DROSHA: variants seen among roughly 807,000 people sequenced by gnomAD.
The protein encoded by DROSHA is drosha ribonuclease III, also known as ribonuclease 3.
A neutral mutation model predicts 181.9 loss-of-function variants in DROSHA; 56 were observed. The observed-to-expected ratio is 0.31, with a 90% CI of 0.25 to 0.38. The LOEUF (loss-of-function observed/expected upper bound fraction) is 0.38, where lower values mean the gene tolerates loss of function less well. DROSHA is among the 10% of genes least tolerant of loss of function. The probability of loss-of-function intolerance (pLI) is 1.00; values close to 1 mark genes in which losing one functional copy is unlikely to be tolerated. For missense variants in DROSHA, 1,218 were observed against 1,743.5 expected (o/e 0.70, Z 5.37); for synonymous variants, 524 against 591.2 (o/e 0.89, Z 1.65).
At position 31,409,402 on chromosome 5, in the gene DROSHA, GACCTTTA is replaced by G. The variant is rs1241307113; in HGVS notation, c.3668-77_3668-71del. The stretch of plus-strand genomic sequence containing the variant: ...TCTATCAGAAAGAGTAAGAGACCTA[GACCTTTA>G]AGCAAAATTTTAGTAATAGTTTCAA... On this transcript the variant is annotated intron_variant, in intron 31 of 35. Coordinates refer to ENST00000344624, the MANE Select transcript of DROSHA (RefSeq NM_001382508.1). The surrounding 1 kb of genome is among the most constrained non-coding windows in gnomAD (Gnocchi z 4.0). The G allele has an allele frequency of 3.5e-6, 5 of 1,439,368 alleles. No homozygotes were observed. In the African/African-American group the frequency reaches 7.2e-5, roughly 21 times the overall value. 89.2% of individuals were successfully genotyped at this position (1,439,368 alleles called of 1,614,324 possible). A position where few individuals can be genotyped will look rare whatever the true frequency, so the allele number is the denominator to read the frequency against.
chr5:31,488,407 T>TGGCCGGGCGCGGTGG (rs1419706475), intron 13 of DROSHA, among the ~76,000 whole-genome samples: 29 of 116,650 alleles, frequency 2.5e-4, no homozygotes, highest in African/African-American at 9.1e-4. Flanking sequence ...AGCAAAACTC[T>TGGCCGGGCGCGGTGG]ATCACCAAAA....
At chr5:31,503,337 G>A (rs1418805862) in intron 11 of DROSHA, among the ~76,000 whole-genome samples, 1 of 152,128 alleles carries the variant, frequency 6.6e-6, no homozygotes, top group Admixed American at 6.5e-5. Context: ...CTCATGCTGA[G>A]CCCCCAAAAT....
chr5:31,439,030 G>C (rs1026837356), intron 23 of DROSHA, among the ~76,000 whole-genome samples: 15 of 152,284 alleles, frequency 9.9e-5, no homozygotes, highest in Non-Finnish European at 2.2e-4. Flanking sequence ...ATTCAGTCCT[G>C]TGAAGTCACT....
At chr5:31,451,375 A>G (rs1747019974) in intron 21 of DROSHA, among the ~76,000 whole-genome samples, 158 bp downstream of exon 21, 1 of 152,206 alleles carries the variant, frequency 6.6e-6, no homozygotes, top group Non-Finnish European at 1.5e-5. Context: ...TGGGCTGGAA[A>G]GCAGCAGAGG....
intron 8 of DROSHA, among the ~76,000 whole-genome samples, chr5:31,511,907 CCTCT>C (rs68006179): frequency 2.7e-5 from 4 of 147,330 alleles, no homozygotes; most frequent in East Asian, 2.0e-4. Context: ...CTATATATCC[CCTCT>C]CTCTCTCTCT....
chr5:31,526,466 G>T lies in DROSHA; in HGVS notation c.467C>A (p.Pro156His). ...MPPPSMPHPP[P>H]PPVMPQQVNY... is the part of the protein sequence containing the mutation. ...AACCTGCTGCGGCATGACTGGAGGG[G>T]GCGGGGGATGAGGCATGGAGGGAGG... Residue 156 changes from proline to histidine, a missense_variant, in exon 5 of 36, where the codon CCC (proline) becomes CAC (histidine). Pro to His is a moderately conservative substitution (Grantham distance 77, BLOSUM62 -2). This residue lies in a region of DROSHA where 536 missense variants were observed against 535.4 expected (regional missense o/e 1.00). Transcript: ENST00000344624. 6.2e-7 allele frequency: 1 copy of T among 1,610,048 alleles called. No homozygotes were observed. The highest frequency in any genetic ancestry group is 8.5e-7 in the Non-Finnish European group (1 of 1,177,582).
chr5:31,495,350 A>G lies in DROSHA; in HGVS notation c.1691T>C (p.Met564Thr), dbSNP rs1752851236. 1 of 1,613,766 alleles carries G rather than the reference A, an allele frequency of 6.2e-7. No individual in the cohort carries two copies. The highest frequency in any genetic ancestry group is 8.5e-7 in the Non-Finnish European group (1 of 1,179,814). The part of the protein sequence containing the change: ...GEEAIKPCRP[M>T]TNNAGRLFHY... ...GAAAAGTCTGCCAGCATTGTTGGTC[A>G]TAGGACGACAGGGCTTGATGGCCTG... Residue 564 changes from methionine to threonine, a missense_variant, in exon 12 of 36, where the codon ATG becomes ACG. Met to Thr is a moderately conservative substitution (Grantham distance 81, BLOSUM62 -1). Transcript: ENST00000344624.
intron 13 of DROSHA, chr5:31,488,848 G>A (rs1360702816): frequency 6.6e-6 from 1 of 152,198 alleles, no homozygotes; most frequent in African/African-American, 2.4e-5. Flanking sequence ...TTAAACACAG[G>A]AGATATTACT....
chr5:31,416,235 A>C (rs745806223), intron 30 of DROSHA, among the ~76,000 whole-genome samples: 2 of 152,166 alleles, frequency 1.3e-5, no homozygotes, highest in Non-Finnish European at 2.9e-5. Context: ...TCCTCTCCAA[A>C]TTTTAAATTA....
intron 19 of DROSHA, among the ~76,000 whole-genome samples, chr5:31,465,450 A>C (rs1342044296): frequency 1.3e-5 from 2 of 152,188 alleles, no homozygotes; most frequent in African/African-American, 2.4e-5. Context: ...GTAAGGCCCA[A>C]TGTTGTATAA....
intron 3 of DROSHA, among the ~76,000 whole-genome samples, chr5:31,529,511 G>A (rs1418524452): frequency 6.6e-6 from 1 of 152,104 alleles, no homozygotes; most frequent in African/African-American, 2.4e-5. Flanking sequence ...CGAGGCAGGT[G>A]GATCACGAGG....
chr5:31,423,623 A>G (rs976544900), intron 28 of DROSHA, among the ~76,000 whole-genome samples: 4 of 152,214 alleles, frequency 2.6e-5, no homozygotes, highest in African/African-American at 9.6e-5. Flanking sequence ...TAAAATGAAC[A>G]TTTGCAACAA....
intron 16 of DROSHA, among the ~76,000 whole-genome samples, chr5:31,479,318 C>T (rs183478438): frequency 6.6e-6 from 1 of 152,154 alleles, no homozygotes; most frequent in African/African-American, 2.4e-5. Context: ...TGTATACACA[C>T]ACATACACAC....
At chr5:31,464,074 A>C in intron 20 of DROSHA, 162 bp downstream of exon 20, 1 of 690,052 alleles carries the variant, frequency 1.4e-6, no homozygotes. Context: ...CAGACAACAA[A>C]AACAAAATCC....
At chr5:31,425,032 T>C (rs1743305814) in intron 27 of DROSHA, among the ~76,000 whole-genome samples, 1 of 152,196 alleles carries the variant, frequency 6.6e-6, no homozygotes, top group Admixed American at 6.5e-5. Flanking sequence ...ACCCCTAGTA[T>C]ATTACTTTAT....
At chr5:31,438,940 G>A (rs1745214107) in intron 23 of DROSHA, among the ~76,000 whole-genome samples, 1 of 152,076 alleles carries the variant, frequency 6.6e-6, no homozygotes, top group South Asian at 2.1e-4. Flanking sequence ...CCAGCCATAG[G>A]GAAGAATGTG....
chr5:31,410,538 A>T (rs1741185086), intron 31 of DROSHA, among the ~76,000 whole-genome samples: 1 of 152,244 alleles, frequency 6.6e-6, no homozygotes, highest in Admixed American at 6.5e-5. Flanking sequence ...ACCACTGAAC[A>T]TAGATTGAAC....
intron 15 of DROSHA, among the ~76,000 whole-genome samples, chr5:31,484,676 C>T (rs1751533073): frequency 1.3e-5 from 2 of 152,114 alleles, no homozygotes; most frequent in African/African-American, 4.8e-5. Context: ...TAATAATAAG[C>T]CCTGTCAAAC....
intron 20 of DROSHA, among the ~76,000 whole-genome samples, chr5:31,458,651 T>C (rs942846216): frequency 6.6e-6 from 1 of 152,186 alleles, no homozygotes; most frequent in Non-Finnish European, 1.5e-5. Flanking sequence ...CAGAACACTC[T>C]ATGATGATGG....
Sources: allele counts gnomAD v4.1 joint callset (sites outside exome capture counted in the v4.1 genomes callset), GRCh38; gene constraint gnomAD v4.1.1; regional missense constraint gnomAD v4.1.1; non-coding constraint Gnocchi (gnomAD v3.1); transcripts MANE v1.5; gene names NCBI Gene and HGNC (gene_info 2026-07-23, HGNC 2026-07-21).